Variants in TMEM233 observed in about 807,000 individuals in gnomAD.
TMEM233 encodes the protein dispanin subfamily B member 2.
TMEM233 carries 6 observed loss-of-function variants against 11.2 expected under a neutral mutation model. The observed-to-expected ratio is 0.54, with a 90% CI of 0.29 to 1.06. The LOEUF is 1.06. Among genes scored for constraint, TMEM233 ranks in the 50% least tolerant of loss-of-function variants. TMEM233 has a pLI of 0.08. For missense variants in TMEM233, 127 were observed against 144.7 expected, an observed-to-expected ratio of 0.88 and a Z score of 0.63; for synonymous variants, 59 against 55.8, an observed-to-expected ratio of 1.06 and a Z score of -0.26.
chr12:119,628,490 C>CTCT (rs1954807114), intron 1 of TMEM233, among the ~76,000 whole-genome samples: 2 of 110,556 alleles, frequency 1.8e-5, no homozygotes, highest in African/African-American at 6.9e-5. Flanking sequence ...CACCAGCTCA[C>CTCT]TCTTTTTTTT....
At chr12:119,619,450 G>A (rs560463388) in intron 1 of TMEM233, among the ~76,000 whole-genome samples, 5 of 152,200 alleles carry the variant, frequency 3.3e-5, no homozygotes, top group Non-Finnish European at 7.4e-5. Context: ...AGACCAGCCT[G>A]GGCAACATGG....
intron 1 of TMEM233, among the ~76,000 whole-genome samples, chr12:119,601,626 C>G (rs1410398179): frequency 6.8e-6 from 1 of 147,050 alleles, no homozygotes. Flanking sequence ...CCACTGCACT[C>G]CAGCCTGGGC....
chr12:119,614,909 T>C (rs1234923529), intron 1 of TMEM233, among the ~76,000 whole-genome samples: 1 of 152,124 alleles, frequency 6.6e-6, no homozygotes, highest in Non-Finnish European at 1.5e-5. Flanking sequence ...TTATGACTAA[T>C]ATAGCTCCTG....
At chr12:119,638,640 G>A (rs1955016014) in intron 2 of TMEM233, among the ~76,000 whole-genome samples, 1 of 152,112 alleles carries the variant, frequency 6.6e-6, no homozygotes, top group Non-Finnish European at 1.5e-5. Flanking sequence ...TTGCAGCTTT[G>A]TTTGCAATAG....
intron 2 of TMEM233, 63 bp downstream of exon 2, chr12:119,629,935 C>T: frequency 1.3e-6 from 2 of 1,495,766 alleles, no homozygotes; most frequent in Non-Finnish European, 1.8e-6. Flanking sequence ...CCGTTGGAAT[C>T]TGTTAGGGTA....
chr12:119,596,129 C>T (rs1044294511), intron 1 of TMEM233, among the ~76,000 whole-genome samples: 1 of 152,156 alleles, frequency 6.6e-6, no homozygotes, highest in Non-Finnish European at 1.5e-5. Context: ...CCCATATATC[C>T]GGTCTTGACT....
intron 2 of TMEM233, among the ~76,000 whole-genome samples, chr12:119,639,811 G>T (rs4767834): frequency 0.78 from 119,071 of 151,868 alleles, 46,793 homozygotes; most frequent in Middle Eastern, 0.85. Context: ...AGGGTTAAAT[G>T]GCACAAACTA....
chr12:119,616,659 C>T lies in TMEM233; in HGVS notation c.187-13077C>T, dbSNP rs868717524. 5.9e-5 allele frequency among the ~76,000 whole-genome samples: 9 copies of T among 152,120 alleles called. No homozygotes were observed. In the South Asian group the frequency reaches 1.9e-3, roughly 32 times the overall value. ...TTGTAGTCATGGTTATTAAAATGTA[C>T]ATGGGTGATATTGTTTGGCTCTGTC... On this transcript the variant is annotated intron_variant, in intron 1 of 2. Coordinates refer to ENST00000426426, the MANE Select transcript of TMEM233 (RefSeq NM_001136534.3).
At chr12:119,621,275 C>T (rs903948483) in intron 1 of TMEM233, among the ~76,000 whole-genome samples, 2 of 152,124 alleles carry the variant, frequency 1.3e-5, no homozygotes, top group South Asian at 2.1e-4. Context: ...CCTGGACTCA[C>T]GTGATCCCCT....
intron 1 of TMEM233, among the ~76,000 whole-genome samples, chr12:119,612,019 A>G (rs1446384987): frequency 6.6e-6 from 1 of 151,234 alleles, no homozygotes; most frequent in Non-Finnish European, 1.5e-5. Flanking sequence ...TCTGAGACAG[A>G]GTCTCGCTCT....
At chr12:119,626,553 AGAG>A (rs1954769499) in intron 1 of TMEM233, among the ~76,000 whole-genome samples, 5 of 106,728 alleles carry the variant, frequency 4.7e-5, no homozygotes, top group African/African-American at 1.8e-4. Flanking sequence ...AGAGAAGAGA[AGAG>A]AAGAGAAGAG....
chr12:119,625,833 T>C (rs1954744740), intron 1 of TMEM233, among the ~76,000 whole-genome samples: 1 of 152,228 alleles, frequency 6.6e-6, no homozygotes, highest in African/African-American at 2.4e-5. Flanking sequence ...AATTCTCTTG[T>C]GTAACTAAAA....
intron 1 of TMEM233, among the ~76,000 whole-genome samples, chr12:119,626,494 A>AAGG (rs200849432): frequency 2.2e-5 from 3 of 133,462 alleles, no homozygotes; most frequent in East Asian, 2.1e-4. Flanking sequence ...AAAGAAGAAA[A>AAGG]AGGAGGAGGA....
intron 1 of TMEM233, among the ~76,000 whole-genome samples, chr12:119,627,979 GC>G (rs35465700): frequency 0.1 from 15,437 of 151,936 alleles, 1,087 homozygotes; most frequent in Non-Finnish European, 0.14. Context: ...TTAACAACCT[GC>G]CCCTTAATTT....
intron 1 of TMEM233, among the ~76,000 whole-genome samples, chr12:119,602,585 C>T (rs1026490460): frequency 6.6e-6 from 1 of 152,216 alleles, no homozygotes; most frequent in African/African-American, 2.4e-5. Context: ...CAAATATGCA[C>T]ATTTCCCCAG....
At chr12:119,607,086 C>T (rs77027370) in intron 1 of TMEM233, among the ~76,000 whole-genome samples, 3,622 of 152,248 alleles carry the variant, frequency 0.024, 141 homozygotes, top group African/African-American at 0.083. Context: ...AAAGCATGAA[C>T]GTGCATGGGG....
intron 2 of TMEM233, among the ~76,000 whole-genome samples, chr12:119,635,423 T>G (rs1954952719): frequency 6.6e-6 from 1 of 152,214 alleles, no homozygotes; most frequent in Admixed American, 6.5e-5. Flanking sequence ...TGAAGAACAT[T>G]CTTGCCTGTG....
intron 2 of TMEM233, among the ~76,000 whole-genome samples, chr12:119,632,560 G>A (rs1954906052): frequency 6.6e-6 from 1 of 152,160 alleles, no homozygotes; most frequent in South Asian, 2.1e-4. Context: ...AAGGAGTACA[G>A]GGGTCAGGGG....
intron 1 of TMEM233, among the ~76,000 whole-genome samples, chr12:119,600,915 AC>A (rs1261203230): frequency 7.9e-6 from 1 of 126,726 alleles, no homozygotes; most frequent in Non-Finnish European, 1.8e-5. Context: ...TGAACTGTAT[AC>A]TTAAAAATAG....
Sources: gnomAD v4.1 joint callset for allele counts (sites outside exome capture counted in the v4.1 genomes callset) on GRCh38, gnomAD v4.1.1 for gene constraint, MANE v1.5 for transcripts, NCBI Gene and HGNC (gene_info 2026-07-23, HGNC 2026-07-21) for gene names.